The following MYCBP2 variants were observed in gnomAD, a reference collection of about 807,000 sequenced individuals.
The protein encoded by MYCBP2 is MYC binding protein 2.
MYCBP2 carries 120 observed loss-of-function variants against 525.3 expected under a neutral mutation model. That is an observed-to-expected ratio of 0.23 (90% CI 0.20 to 0.27). MYCBP2 has a LOEUF of 0.27. Ranked by LOEUF, MYCBP2 falls within the 10% of genes least tolerant of loss-of-function variation. MYCBP2 has a pLI of 1.00. For missense variants in MYCBP2, 4,149 were observed against 5,657.1 expected (o/e 0.73, Z 8.55); for synonymous variants, 1,894 against 1,955.8 (o/e 0.97, Z 0.83).
chr13:77,055,275 C>G (rs556199514), intron 80 of MYCBP2, among the ~76,000 whole-genome samples: 2 of 152,126 alleles, frequency 1.3e-5, no homozygotes, highest in African/African-American at 4.8e-5. Flanking sequence ...GAAGTTTATT[C>G]GAGAAGGAAT....
rs1341634758 is a variant in MYCBP2 at position 77,093,192 on chromosome 13, T to G, written c.10340A>C (p.Glu3447Ala). 1 of 1,612,552 alleles carries G rather than the reference T, an allele frequency of 6.2e-7. No individual in the cohort carries two copies. Among genetic ancestry groups the G allele is most frequent in the Non-Finnish European group, 8.5e-7 (1 of 1,179,230 alleles). ...TGGTGGCATAGACTTCATATTGCTC[T>G]CTGGCTCTTCAAATACATTAGGACT... is the stretch of plus-strand genomic sequence containing the variant. ...DASPNVFEEP[E>A]SNMKSMPPSL... Residue 3447 changes from glutamate (E) to alanine (A), a missense_variant, in exon 59 of 83, where the codon GAG (glutamate) becomes GCG (alanine). Coordinates refer to ENST00000544440, the MANE Select transcript of MYCBP2 (RefSeq NM_015057.5).
intron 26 of MYCBP2, among the ~76,000 whole-genome samples, chr13:77,202,963 C>T (rs961266882): frequency 8.5e-5 from 13 of 152,102 alleles, no homozygotes; most frequent in African/African-American, 3.1e-4. Context: ...AAACTGGAAG[C>T]ATTCCCTTTG....
At chr13:77,274,822 T>C (rs1431248442) in intron 4 of MYCBP2, among the ~76,000 whole-genome samples, 1 of 152,162 alleles carries the variant, frequency 6.6e-6, no homozygotes. Context: ...TACTTAAAAT[T>C]CTTTCACTCC....
intron 1 of MYCBP2, among the ~76,000 whole-genome samples, chr13:77,316,786 C>G (rs969755575): frequency 6.9e-6 from 1 of 144,686 alleles, no homozygotes; most frequent in African/African-American, 2.4e-5. Context: ...GTCACTGGGC[C>G]TTTCTCGTGT....
At position 77,166,538 on chromosome 13, in the gene MYCBP2, C is replaced by T. The variant is rs762006427; in HGVS notation, c.6131G>A (p.Cys2044Tyr). ...VMHYKVTFPE[C>Y]VRWMTIEFDP... is the part of the protein sequence containing the mutation. ...AAATTCGATTGTCATCCACCTCACA[C>T]ATTCTGGGAATGTCACCTGAGGTCA... The change falls in exon 41 of 83, where the codon TGT becomes TAT. Residue 2044 changes from cysteine to tyrosine, a missense_variant. By Grantham distance (194) the Cys-to-Tyr change is radical. This residue lies in a region of MYCBP2 where 692 missense variants were observed against 852.7 expected (regional missense o/e 0.81). Coordinates refer to ENST00000544440, the MANE Select transcript of MYCBP2 (RefSeq NM_015057.5). The T allele has an allele frequency of 6.2e-7, 1 of 1,612,056 alleles. No individual in the cohort carries two copies. Among genetic ancestry groups the T allele is most frequent in the Non-Finnish European group, 8.5e-7 (1 of 1,179,002 alleles).
chr13:77,116,994 T>C (rs1188093367), intron 55 of MYCBP2, among the ~76,000 whole-genome samples: 2 of 152,074 alleles, frequency 1.3e-5, no homozygotes, highest in African/African-American at 4.8e-5. Flanking sequence ...TATGAATGAA[T>C]TTAAATTTTC....
chr13:77,285,649 G>A (rs189112795), intron 3 of MYCBP2, among the ~76,000 whole-genome samples: 3 of 152,138 alleles, frequency 2.0e-5, no homozygotes, highest in Admixed American at 6.5e-5. Context: ...AGCCAGGCGC[G>A]GTGGCACATG....
At chr13:77,262,565 C>G (rs561046040) in intron 10 of MYCBP2, among the ~76,000 whole-genome samples, 1 of 151,942 alleles carries the variant, frequency 6.6e-6, no homozygotes, top group Non-Finnish European at 1.5e-5. Context: ...AGTCCAGACA[C>G]AGAGTCATTC....
At chr13:77,085,563 T>C (rs2044104589) in intron 62 of MYCBP2, among the ~76,000 whole-genome samples, 1 of 152,210 alleles carries the variant, frequency 6.6e-6, no homozygotes, top group Non-Finnish European at 1.5e-5. Flanking sequence ...GCTCTTTCCA[T>C]CAACAGGTGG....
intron 26 of MYCBP2, among the ~76,000 whole-genome samples, chr13:77,200,286 G>A (rs535364400): frequency 6.6e-6 from 1 of 152,194 alleles, no homozygotes; most frequent in Non-Finnish European, 1.5e-5. Flanking sequence ...GGAAGAAAGG[G>A]TATCAGCGAT....
chr13:77,067,749 T>C lies in MYCBP2; in HGVS notation c.12287A>G (p.Glu4096Gly), dbSNP rs904448933. The change falls in exon 71 of 83, where the codon GAG becomes GGG. Residue 4096 changes from glutamate to glycine, a missense_variant. This residue lies in a region of MYCBP2 where 148 missense variants were observed against 179.4 expected (regional missense o/e 0.82). Transcript: ENST00000544440. ...ACCCAGCTTATTCCAGTCTCCTTTC[T>C]CTGTTGAGTGAATGATATCACTGAT... ...ADISDIIHSTEKGDWNKLGIL... is the reference protein window; with the variant it reads ...ADISDIIHSTGKGDWNKLGIL... 4.3e-6 allele frequency: 7 copies of C among 1,614,096 alleles called. No homozygotes were observed. The highest frequency in any genetic ancestry group is 5.9e-6 in the Non-Finnish European group (7 of 1,180,022).
chr13:77,130,666 A>G (rs991913149), intron 52 of MYCBP2, among the ~76,000 whole-genome samples: 4 of 152,150 alleles, frequency 2.6e-5, no homozygotes, highest in African/African-American at 9.7e-5. Flanking sequence ...GTTTTAGGGG[A>G]AAAATGTCTA....
chr13:77,161,969 A>G lies in MYCBP2; in HGVS notation c.6548-14T>C, dbSNP rs2057982038. 6.4e-7 allele frequency: 1 copy of G among 1,574,302 alleles called. No homozygotes were observed. The highest frequency in any genetic ancestry group is 2.3e-5 in the East Asian group (1 of 44,230). ...CTAATTCATTACCTGTTGTGTAAAT[A>G]AAGAGTTTTACTAAAATATGTCAAT... On this transcript the variant is annotated splice_polypyrimidine_tract_variant and intron_variant, in intron 43 of 82. Transcript: ENST00000544440.
chr13:77,244,993 C>A (rs1297441706), intron 15 of MYCBP2, among the ~76,000 whole-genome samples: 1 of 152,054 alleles, frequency 6.6e-6, no homozygotes, highest in African/African-American at 2.4e-5. Flanking sequence ...ATGCAGCCAA[C>A]AAACGAAAAA....
chr13:77,189,173 G>T, intron 29 of MYCBP2, 126 bp from the exon 30 acceptor site: 1 of 571,730 alleles, frequency 1.7e-6, no homozygotes, highest in Non-Finnish European at 2.8e-6. Flanking sequence ...GCCAGGTAAT[G>T]CCAATACAGG....
intron 26 of MYCBP2, among the ~76,000 whole-genome samples, chr13:77,202,743 T>C (rs375248261): frequency 0.022 from 3,375 of 152,082 alleles, 57 homozygotes; most frequent in Middle Eastern, 0.075. Flanking sequence ...GTTCAATATA[T>C]GCAAATCAAT....
In MYCBP2 at chr13:77,076,421, T is replaced by C. The variant is rs114748609; in HGVS notation, c.11823+330A>G. Among the ~76,000 whole-genome samples the C allele has an allele frequency of 8.6e-3, 1,305 of 152,272 alleles. 12 individuals are homozygous for C. The highest frequency in any genetic ancestry group is 0.03 in the African/African-American group (1,258 of 41,554). On this transcript the variant is annotated intron_variant, in intron 68 of 82. Coordinates refer to ENST00000544440, the MANE Select transcript of MYCBP2 (RefSeq NM_015057.5). Reference sequence around the variant, plus strand: ...GAGGATAAATCGTAAAAAAGTTTCATGAAGAAGACAGTACTTTTGAGCTGA... The same window carrying C: ...GAGGATAAATCGTAAAAAAGTTTCACGAAGAAGACAGTACTTTTGAGCTGA...
intron 26 of MYCBP2, among the ~76,000 whole-genome samples, chr13:77,201,749 C>T (rs528557282): frequency 6.6e-6 from 1 of 152,028 alleles, no homozygotes; most frequent in African/African-American, 2.4e-5. Flanking sequence ...TCACTCAAAA[C>T]CACTCAACTA....
chr13:77,048,509 C>A (rs1441746360), intron 82 of MYCBP2, among the ~76,000 whole-genome samples: 1 of 152,114 alleles, frequency 6.6e-6, no homozygotes, highest in Non-Finnish European at 1.5e-5. Context: ...TACTCACATC[C>A]CTGTGGGATC....
Sources: gnomAD v4.1 joint callset for allele counts (sites outside exome capture counted in the v4.1 genomes callset) on GRCh38, gnomAD v4.1.1 for gene constraint, gnomAD v4.1.1 regional missense constraint, MANE v1.5 for transcripts, NCBI Gene and HGNC (gene_info 2026-07-23, HGNC 2026-07-21) for gene names.